The following ERC1 variants were observed in gnomAD, a reference collection of about 807,000 sequenced individuals.
The protein encoded by ERC1 is ELKS/RAB6-interacting/CAST family member 1.
In ERC1, 56 loss-of-function variants were observed where a neutral mutation model predicts 132.0. That is an observed-to-expected ratio of 0.42 (90% CI 0.34 to 0.53). ERC1 has a LOEUF of 0.53. Among genes scored for constraint, ERC1 ranks in the 20% least tolerant of loss-of-function variants. ERC1 has a pLI of 0.03. For missense variants in ERC1, 1,202 were observed against 1,349.9 expected (o/e 0.89, Z 1.72); for synonymous variants, 478 against 476.1 (o/e 1.00, Z -0.05).
chr12:1,116,237 G>GAT (rs1439427128), intron 7 of ERC1: 1 of 430,250 alleles, frequency 2.3e-6, no homozygotes, highest in Non-Finnish European at 4.1e-6. Flanking sequence ...AACAGGTGCA[G>GAT]TTTATGTTTT....
At chr12:1,211,800 T>A (rs1049764183) in intron 12 of ERC1, among the ~76,000 whole-genome samples, 2 of 151,638 alleles carry the variant, frequency 1.3e-5, no homozygotes, top group Admixed American at 6.6e-5. Flanking sequence ...AAACTCCTGA[T>A]CTGAGGTGAT....
intron 8 of ERC1, among the ~76,000 whole-genome samples, chr12:1,180,278 TGTGTGCGCGCACGC>T (rs1399484073): frequency 1.6e-4 from 23 of 145,880 alleles, no homozygotes; most frequent in African/African-American, 4.1e-4. Flanking sequence ...TGTGTGTGTG[TGTGTGCGCGCACGC>T]GTGTGCGCGC....
At chr12:1,383,579 A>G (rs965536849) in intron 16 of ERC1, among the ~76,000 whole-genome samples, 1 of 152,212 alleles carries the variant, frequency 6.6e-6, no homozygotes, top group Non-Finnish European at 1.5e-5. Flanking sequence ...GGTTGCAGTG[A>G]GGCAAGATCA....
At chr12:1,224,381 A>C (rs2074392011) in intron 12 of ERC1, among the ~76,000 whole-genome samples, 1 of 152,202 alleles carries the variant, frequency 6.6e-6, no homozygotes, top group African/African-American at 2.4e-5. Flanking sequence ...AAACCATTTT[A>C]TCTTGATAGT....
At chr12:1,391,837 GTGCCTGT>G (rs1591721118) in intron 16 of ERC1, among the ~76,000 whole-genome samples, 2 of 152,178 alleles carry the variant, frequency 1.3e-5, no homozygotes, top group East Asian at 3.9e-4. Context: ...TTTTTGGTCT[GTGCCTGT>G]TGGCATTTCC....
At position 1,115,853 on chromosome 12, in the gene ERC1, ACTT is replaced by A; in HGVS notation, c.1402-9_1402-7del. 6.2e-7 allele frequency: 1 copy of A among 1,609,220 alleles called. No individual in the cohort carries two copies. The highest frequency in any genetic ancestry group is 8.5e-7 in the Non-Finnish European group (1 of 1,177,560). On this transcript the variant is annotated splice_polypyrimidine_tract_variant and intron_variant, in intron 6 of 18. Transcript: ENST00000360905. ...ATTTCTTTTTTCCTTAAAGTGTTTTACTTCTTTTCTAGATTGGCCAGGTGAAAC... is the reference window on the plus strand; with the variant it reads ...ATTTCTTTTTTCCTTAAAGTGTTTTACTTTTCTAGATTGGCCAGGTGAAAC...
chr12:1,442,610 A>G (rs1238410559), intron 17 of ERC1, among the ~76,000 whole-genome samples: 2 of 152,224 alleles, frequency 1.3e-5, no homozygotes, highest in African/African-American at 2.4e-5. Context: ...CTGAACTCTG[A>G]TCTTTTTAGC....
At position 1,156,986 on chromosome 12, in the gene ERC1, T is replaced by G. The variant is rs767153353; in HGVS notation, c.1737+15199T>G. Among the ~76,000 whole-genome samples, 23 of 152,228 alleles carry G rather than the reference T, an allele frequency of 1.5e-4. 1 individual carries two copies. The highest frequency in any genetic ancestry group is 6.3e-3 in the Middle Eastern group (2 of 316). On this transcript the variant is annotated intron_variant, in intron 8 of 18. Transcript: ENST00000360905. The stretch of plus-strand genomic sequence containing the variant: ...TGTTTTTTGTTTTTTGTTTTTAACT[T>G]CATTTATGTATTTATTTGGGGGTTT...
rs1380213463 is a variant in ERC1, at chr12:1,083,233, C to G, written c.739C>G (p.Gln247Glu). 1.2e-6 allele frequency: 2 copies of G among 1,614,150 alleles called. No individual in the cohort carries two copies. Among genetic ancestry groups the G allele is most frequent in the Admixed American group, 1.7e-5 (1 of 60,020 alleles). Residue 247 changes from glutamine (Q) to glutamate (E), a missense_variant, in exon 3 of 19, where the codon CAG (glutamine) becomes GAG (glutamate). Coordinates refer to ENST00000360905, the MANE Select transcript of ERC1 (RefSeq NM_178040.4). ...RIQRDLNQLF[Q>E]QDSSSRTGEP... Reference sequence around the variant, plus strand: ...CCAGAGGGACCTGAATCAGCTGTTTCAGCAGGATAGTAGCAGCAGGACTGG... The same window carrying G: ...CCAGAGGGACCTGAATCAGCTGTTTGAGCAGGATAGTAGCAGCAGGACTGG...
At chr12:1,394,128 C>T (rs1414706109) in intron 16 of ERC1, among the ~76,000 whole-genome samples, 10 of 150,172 alleles carry the variant, frequency 6.7e-5, no homozygotes, top group Admixed American at 6.7e-5. Flanking sequence ...AGGCCGGGCA[C>T]AGTGGCTCAC....
intron 15 of ERC1, among the ~76,000 whole-genome samples, chr12:1,321,594 G>T (rs948173770): frequency 6.6e-6 from 1 of 152,144 alleles, no homozygotes; most frequent in African/African-American, 2.4e-5. Context: ...TCTTCCTGAT[G>T]AATGTTCTCT....
At chr12:1,001,650 A>G (rs528153024) in intron 1 of ERC1, among the ~76,000 whole-genome samples, 3 of 152,188 alleles carry the variant, frequency 2.0e-5, no homozygotes, top group African/African-American at 4.8e-5. Flanking sequence ...ATGGAATCAT[A>G]TTGTATGTAT....
rs1487254800 is a variant in ERC1 at position 1,393,647 on chromosome 12, T to C, written c.2926-14502T>C. 5.9e-5 allele frequency among the ~76,000 whole-genome samples: 8 copies of C among 135,484 alleles called. No individual in the cohort carries two copies. The East Asian group carries it at 1.6e-3, about 27-fold the overall frequency. 88.9% of individuals were successfully genotyped at this position (135,484 alleles called of 152,430 possible). ...GTGTGTGTGTGTGTGTGTGTGTGTG[T>C]GTAAAGTGCTTGGATTCTTGAAGAT... On this transcript the variant is annotated intron_variant, in intron 16 of 18. Coordinates refer to ENST00000360905, the MANE Select transcript of ERC1 (RefSeq NM_178040.4).
intron 1 of ERC1, among the ~76,000 whole-genome samples, chr12:1,005,091 A>G (rs1205324879): frequency 2.6e-5 from 4 of 152,136 alleles, no homozygotes; most frequent in African/African-American, 9.7e-5. Context: ...ATTAAAGGCA[A>G]GTAATTTTGA....
At chr12:1,304,435 G>A (rs1376375477) in intron 15 of ERC1, among the ~76,000 whole-genome samples, 2 of 152,210 alleles carry the variant, frequency 1.3e-5, no homozygotes, top group African/African-American at 2.4e-5. Flanking sequence ...CATTGAGGAG[G>A]GAAAGTGGGA....
chr12:1,216,732 A>G (rs1331987023), intron 12 of ERC1, among the ~76,000 whole-genome samples: 1 of 152,150 alleles, frequency 6.6e-6, no homozygotes, highest in Admixed American at 6.5e-5. Context: ...TCAGACTAGT[A>G]CGTTACTTTT....
chr12:1,242,274 T>G (rs950075151), intron 13 of ERC1, among the ~76,000 whole-genome samples: 1 of 152,224 alleles, frequency 6.6e-6, no homozygotes, highest in Non-Finnish European at 1.5e-5. Flanking sequence ...TTGAGTGTCT[T>G]TAGTTTGTTA....
In ERC1 at chr12:1,026,326, C is replaced by T. The variant is rs566979009; in HGVS notation, c.-156-1422C>T. Among the ~76,000 whole-genome samples the T allele has an allele frequency of 2.6e-5, 4 of 152,224 alleles. No homozygotes were observed. The South Asian group carries it at 6.2e-4, about 24-fold the overall frequency. On this transcript the variant is annotated intron_variant, in intron 1 of 18. Coordinates refer to ENST00000360905, the MANE Select transcript of ERC1 (RefSeq NM_178040.4). ...TTCAGTTAAGTACACCTGGCCCCAC[C>T]CTTGATACATGAAGATGATTGCAAT...
intron 7 of ERC1, among the ~76,000 whole-genome samples, chr12:1,127,428 T>G (rs1183479888): frequency 6.6e-6 from 1 of 152,082 alleles, no homozygotes; most frequent in Admixed American, 6.5e-5. Flanking sequence ...ATTGTGGATA[T>G]GTACCATGGA....
Sources: allele counts gnomAD v4.1 joint callset (sites outside exome capture counted in the v4.1 genomes callset), GRCh38; gene constraint gnomAD v4.1.1; transcripts MANE v1.5; gene names NCBI Gene and HGNC (gene_info 2026-07-23, HGNC 2026-07-21).